Variants in SORBS2 observed in about 807,000 individuals in gnomAD.
SORBS2 encodes the protein sorbin and SH3 domain-containing protein 2.
SORBS2 carries 46 observed loss-of-function variants against 97.7 expected under a neutral mutation model. The ratio of observed to expected loss-of-function variants is 0.47; its 90% CI spans 0.37 to 0.60. The LOEUF (loss-of-function observed/expected upper bound fraction) is 0.60. Ranked by LOEUF, SORBS2 falls within the 20% of genes least tolerant of loss-of-function variation. SORBS2 has a pLI of 0.00. For synonymous variants in SORBS2, 476 were observed against 473.4 expected (o/e 1.01, Z -0.07); for missense variants, 1,316 against 1,282.3 (o/e 1.03, Z -0.40).
chr4:185,636,511 A>T (rs1414787389), intron 4 of SORBS2, among the ~76,000 whole-genome samples: 1 of 152,222 alleles, frequency 6.6e-6, no homozygotes, highest in Non-Finnish European at 1.5e-5. Context: ...TTCTAAAAAA[A>T]CTATCAGTGT....
intron 9 of SORBS2, among the ~76,000 whole-genome samples, chr4:185,616,979 C>T (rs1341527594): frequency 6.6e-6 from 1 of 152,170 alleles, no homozygotes; most frequent in Admixed American, 6.5e-5. Flanking sequence ...GAACTTCTGA[C>T]CTCGAGTGAT....
chr4:185,613,649 A>AT (rs1379724608), intron 11 of SORBS2, among the ~76,000 whole-genome samples: 8 of 91,412 alleles, frequency 8.8e-5, no homozygotes, highest in South Asian at 7.5e-4. Flanking sequence ...TCCATCTCAA[A>AT]AAAAAAAAAA....
exon 7 of SORBS2, chr4:185,624,367 T>C (rs1426646525): frequency 1.2e-6 from 2 of 1,614,078 alleles, no homozygotes; most frequent in Non-Finnish European, 1.7e-6. Flanking sequence ...AACTAATGGC[T>C]CTTGGTGAGT....
chr4:185,828,320 C>G (rs1050476373), intron 1 of SORBS2, among the ~76,000 whole-genome samples: 1 of 152,094 alleles, frequency 6.6e-6, no homozygotes, highest in Non-Finnish European at 1.5e-5. Flanking sequence ...GCTGCCCACA[C>G]TAGGAGACGC....
At chr4:185,797,035 C>G (rs936155503) in intron 1 of SORBS2, among the ~76,000 whole-genome samples, 1 of 152,214 alleles carries the variant, frequency 6.6e-6, no homozygotes, top group African/African-American at 2.4e-5. Flanking sequence ...TATTCTTAGG[C>G]CCCACCTCAC....
At chr4:185,888,624 C>T (rs913945385) in intron 1 of SORBS2, among the ~76,000 whole-genome samples, 1 of 152,180 alleles carries the variant, frequency 6.6e-6, no homozygotes, top group East Asian at 1.9e-4. Flanking sequence ...GTTTGTTTTC[C>T]TACCTTCTCC....
At chr4:185,690,783 A>G (rs544388157) in intron 2 of SORBS2, among the ~76,000 whole-genome samples, 172 bp from the exon 4 acceptor site, 6 of 152,162 alleles carry the variant, frequency 3.9e-5, no homozygotes, top group Non-Finnish European at 8.8e-5. Flanking sequence ...TGTTCATGTT[A>G]AACTTTAATT....
chr4:185,792,472 C>T (rs994190256), intron 1 of SORBS2, among the ~76,000 whole-genome samples: 8 of 149,604 alleles, frequency 5.3e-5, no homozygotes, highest in East Asian at 4.0e-4. Context: ...CCGACCTGGG[C>T]GACAGGGTGC....
chr4:185,614,681 C>T, intron 11 of SORBS2, 150 bp downstream of exon 23: 2 of 951,028 alleles, frequency 2.1e-6, no homozygotes, highest in Non-Finnish European at 3.1e-6. Context: ...CTCTGGGCTG[C>T]CTTAAAGAGT....
chr4:185,724,044 A>G (rs2098537499), intron 2 of SORBS2, among the ~76,000 whole-genome samples: 1 of 152,212 alleles, frequency 6.6e-6, no homozygotes, highest in Non-Finnish European at 1.5e-5. Flanking sequence ...CGGCATGCCG[A>G]TTTCTGTACT....
At chr4:185,871,089 CAG>C (rs2099230174) in intron 1 of SORBS2, among the ~76,000 whole-genome samples, 1 of 152,200 alleles carries the variant, frequency 6.6e-6, no homozygotes, top group Admixed American at 6.5e-5. Context: ...TAAAACCACA[CAG>C]AGTCTATTCC....
chr4:185,674,526 A>C (rs1314750363), intron 4 of SORBS2, among the ~76,000 whole-genome samples: 1 of 152,134 alleles, frequency 6.6e-6, no homozygotes, highest in Admixed American at 6.5e-5. Flanking sequence ...TGCCAGAATG[A>C]TTTTGTTAAA....
chr4:185,629,564 G>GTTTT (rs397880846), intron 5 of SORBS2, among the ~76,000 whole-genome samples: 2 of 135,722 alleles, frequency 1.5e-5, no homozygotes, highest in Admixed American at 7.5e-5. Context: ...TTTGTGATTT[G>GTTTT]TTTTTTTTTT....
chr4:185,890,757 T>G (rs1456087445), intron 1 of SORBS2, among the ~76,000 whole-genome samples: 5 of 152,206 alleles, frequency 3.3e-5, no homozygotes, highest in African/African-American at 1.2e-4. Flanking sequence ...TCCTTTCATC[T>G]TGGTGTCCTC....
chr4:185,907,273 A>T (rs1006557430), intron 1 of SORBS2, among the ~76,000 whole-genome samples: 1 of 152,156 alleles, frequency 6.6e-6, no homozygotes, highest in Admixed American at 6.5e-5. Flanking sequence ...CTACCCTGCT[A>T]GTCTGTCTGT....
chr4:185,854,050 G>A (rs2149692145), intron 1 of SORBS2, among the ~76,000 whole-genome samples: 1 of 152,294 alleles, frequency 6.6e-6, no homozygotes, highest in Middle Eastern at 3.4e-3. Flanking sequence ...ATACTAAAGA[G>A]TGTGACAAGC....
At chr4:185,845,017 CTT>C (rs57089831) in intron 1 of SORBS2, among the ~76,000 whole-genome samples, 53 of 140,254 alleles carry the variant, frequency 3.8e-4, no homozygotes, top group Admixed American at 6.4e-4. Flanking sequence ...GATGAAAATG[CTT>C]TTTTTTTTTT....
At position 185,677,089 on chromosome 4, in the gene SORBS2, C is replaced by T. The variant is rs1381503690; in HGVS notation, c.-46+1334G>A. 2.6e-6 allele frequency: 4 copies of T among 1,551,498 alleles called. No homozygotes were observed. The East Asian group carries it at 7.3e-5, about 28-fold the overall frequency. On this transcript the variant is annotated intron_variant, in intron 4 of 20. Coordinates refer to the SORBS2 transcript ENST00000284776. ...ATCTTTGCAGTCTCTGGAGAAAGCT[C>T]AGGTAGCTGTTTGTGGCTTTCAAGA...
Position 185,623,755 on chromosome 4 carries a change from C to G in SORBS2, c.1374G>C (p.Leu458Phe). Reference sequence around the variant, plus strand: ...GGCCGCTTTGATTTTCTTCCTCCAGCAAATACTCAATGGAAAACCGCCTCT... The same window carrying G: ...GGCCGCTTTGATTTTCTTCCTCCAGGAAATACTCAATGGAAAACCGCCTCT... Residue 458 changes from leucine (L) to phenylalanine (F), a missense_variant, in exon 7 of 15, where the codon TTG becomes TTC. By Grantham distance (22) the Leu-to-Phe change is conservative. Coordinates refer to ENST00000418609, the Ensembl canonical transcript of SORBS2. The surrounding 1 kb of genome is among the most constrained non-coding windows in gnomAD (Gnocchi z 6.4). 3 of 1,614,162 alleles carry G rather than the reference C, an allele frequency of 1.9e-6. No individual in the cohort carries two copies. Among genetic ancestry groups the G allele is most frequent in the Non-Finnish European group, 2.5e-6 (3 of 1,180,042 alleles).
Sources: gnomAD v4.1 joint callset for allele counts (sites outside exome capture counted in the v4.1 genomes callset) on GRCh38, gnomAD v4.1.1 for gene constraint, Gnocchi (gnomAD v3.1) non-coding constraint, MANE v1.5 for transcripts, NCBI Gene and HGNC (gene_info 2026-07-23, HGNC 2026-07-21) for gene names.